Variants in C2CD2 observed in about 807,000 individuals in gnomAD.
C2CD2 encodes the protein C2 calcium dependent domain containing 2.
A neutral mutation model predicts 74.3 loss-of-function variants in C2CD2; 43 were observed. That is an observed-to-expected ratio of 0.58 (90% confidence interval 0.45 to 0.75). The LOEUF is 0.75. Ranked by LOEUF, C2CD2 falls within the 30% of genes least tolerant of loss-of-function variation. The pLI is 0.00. For synonymous variants in C2CD2, 422 were observed against 390.7 expected, an observed-to-expected ratio of 1.08 and a Z score of -0.94; for missense variants, 801 against 916.3, an observed-to-expected ratio of 0.87 and a Z score of 1.63.
intron 1 of C2CD2, among the ~76,000 whole-genome samples, chr21:41,950,990 C>T (rs2065445757): frequency 6.6e-6 from 1 of 152,106 alleles, no homozygotes; most frequent in Admixed American, 6.5e-5. Flanking sequence ...TGTAGCTGTC[C>T]AGGCGAGAGC....
Position 41,903,306 on chromosome 21 carries a change from C to T in C2CD2, c.1433-1557G>A, listed in dbSNP as rs2064921409. ...AACCCGAGGAGTGTGTCATGGAAAC[C>T]CCAATTTGTAGCCAAGTGGGACAAA... On this transcript the variant is annotated intron_variant, in intron 11 of 13. Coordinates refer to ENST00000380486, the MANE Select transcript of C2CD2 (RefSeq NM_015500.2). The surrounding 1 kb of genome is among the most constrained non-coding windows in gnomAD (Gnocchi z 4.5). Among the ~76,000 whole-genome samples, 1 of 152,110 alleles carries T rather than the reference C, an allele frequency of 6.6e-6. No individual in the cohort carries two copies. The highest frequency in any genetic ancestry group is 2.4e-5 in the African/African-American group (1 of 41,426).
rs1275745812 is a variant in C2CD2 at position 41,913,294 on chromosome 21, C to A, written c.845-854G>T. 2.0e-5 allele frequency among the ~76,000 whole-genome samples: 3 copies of A among 152,250 alleles called. No homozygotes were observed. In the East Asian group the frequency reaches 5.8e-4, roughly 29 times the overall value. ...GTTTCTGCTTTGAGACAATGCTTCT[C>A]CCTGCAGCACAAAGTCCCCAATACA... On this transcript the variant is annotated intron_variant, in intron 6 of 13. Transcript: ENST00000380486.
intron 6 of C2CD2, among the ~76,000 whole-genome samples, chr21:41,912,975 C>G (rs2065045730): frequency 6.6e-6 from 1 of 152,216 alleles, no homozygotes; most frequent in Admixed American, 6.5e-5. Flanking sequence ...ATATCAACAG[C>G]CAAGGGCTGT....
chr21:41,949,783 A>G (rs1195663939), intron 1 of C2CD2, among the ~76,000 whole-genome samples: 1 of 152,216 alleles, frequency 6.6e-6, no homozygotes, highest in African/African-American at 2.4e-5. Flanking sequence ...TGTGGCACAT[A>G]TACACCATGG....
chr21:41,938,060 C>T (rs749107422), intron 2 of C2CD2, among the ~76,000 whole-genome samples: 4 of 152,018 alleles, frequency 2.6e-5, no homozygotes, highest in East Asian at 1.9e-4. Context: ...AATAAAAATA[C>T]ATTATATACC....
At chr21:41,946,181 A>G (rs1216259815) in intron 1 of C2CD2, among the ~76,000 whole-genome samples, 1 of 152,224 alleles carries the variant, frequency 6.6e-6, no homozygotes, top group African/African-American at 2.4e-5. Flanking sequence ...TGGTTGCGAA[A>G]TCAGTGAGGA....
chr21:41,942,058 C>T lies in C2CD2; in HGVS notation c.378+89G>A, dbSNP rs532838669. 7 of 1,488,900 alleles carry T rather than the reference C, an allele frequency of 4.7e-6. No individual in the cohort carries two copies. In the African/African-American group the frequency reaches 5.6e-5, roughly 12 times the overall value. The allele number at this position is 1,488,900 out of a possible 1,614,324, so 92.2% of individuals were successfully genotyped here. A position where few individuals can be genotyped will look rare whatever the true frequency, so the allele number is the denominator to read the frequency against. On this transcript the variant is annotated intron_variant, in intron 2 of 13. Transcript: ENST00000380486. Reference sequence around the variant, plus strand: ...GATTTTTTTCCTAGTGTAAGGGTTCCGCATTTTCAATGATTCTAAACAAAG... The same window carrying T: ...GATTTTTTTCCTAGTGTAAGGGTTCTGCATTTTCAATGATTCTAAACAAAG...
chr21:41,925,029 C>G (rs1007729410), intron 2 of C2CD2, among the ~76,000 whole-genome samples: 5 of 152,164 alleles, frequency 3.3e-5, no homozygotes, highest in Admixed American at 6.5e-5. Context: ...GTAATGTAAT[C>G]TCTACATTCT....
At chr21:41,914,226 C>CA (rs1198111037) in intron 6 of C2CD2, among the ~76,000 whole-genome samples, 2 of 139,478 alleles carry the variant, frequency 1.4e-5, no homozygotes, top group Non-Finnish European at 3.1e-5. Context: ...AACTCCATCT[C>CA]AAAAAAAAGA....
At chr21:41,912,988 A>G (rs2065045921) in intron 6 of C2CD2, among the ~76,000 whole-genome samples, 1 of 151,928 alleles carries the variant, frequency 6.6e-6, no homozygotes, top group East Asian at 1.9e-4. Context: ...AGGGCTGTTG[A>G]CCCCAAGTAC....
chr21:41,898,270 T>C (rs940090275), intron 13 of C2CD2, among the ~76,000 whole-genome samples: 9 of 152,204 alleles, frequency 5.9e-5, no homozygotes, highest in Non-Finnish European at 8.8e-5. Context: ...AGATGTCCTT[T>C]TGTCCCCCGA....
At chr21:41,897,390 G>A (rs1039836721) in intron 13 of C2CD2, among the ~76,000 whole-genome samples, 27 of 152,234 alleles carry the variant, frequency 1.8e-4, no homozygotes, top group African/African-American at 6.0e-4. Flanking sequence ...GTCCCGCTTC[G>A]CCCAGCACTC....
At chr21:41,889,854 C>T (rs1388849535) in intron 13 of C2CD2, among the ~76,000 whole-genome samples, 1 of 152,084 alleles carries the variant, frequency 6.6e-6, no homozygotes, top group Non-Finnish European at 1.5e-5. Flanking sequence ...AGGCTGGTCT[C>T]GAACTCCTGA....
chr21:41,947,146 C>CTCCG, intron 1 of C2CD2, among the ~76,000 whole-genome samples: 1 of 138,858 alleles, frequency 7.2e-6, no homozygotes, highest in South Asian at 2.6e-4. Context: ...CTCTCCCTCC[C>CTCCG]TCCCTCCCTC....
chr21:41,927,376 G>C (rs2065222713), intron 2 of C2CD2, among the ~76,000 whole-genome samples: 1 of 152,190 alleles, frequency 6.6e-6, no homozygotes, highest in African/African-American at 2.4e-5. Flanking sequence ...ATGTTGGCCA[G>C]GCTGGTCTCA....
intron 1 of C2CD2, among the ~76,000 whole-genome samples, chr21:41,948,172 G>A (rs2065417708): frequency 6.6e-6 from 1 of 152,244 alleles, no homozygotes; most frequent in African/African-American, 2.4e-5. Flanking sequence ...GGCCTGGCTG[G>A]CTCCCAAGAC....
Position 41,899,745 on chromosome 21 carries a change from G to C in C2CD2, c.1561-383C>G, listed in dbSNP as rs2146146467. ...AAGGAAATGGCCGTGGGTGTTTCGG[G>C]TTTAGCTGTCTTTGTTCCTACACGT... On this transcript the variant is annotated intron_variant, in intron 12 of 13. Transcript: ENST00000380486. The surrounding 1 kb of genome is among the most constrained non-coding windows in gnomAD (Gnocchi z 4.4). Among the ~76,000 whole-genome samples the C allele has an allele frequency of 6.6e-6, 1 of 152,302 alleles. No homozygotes were observed. Among genetic ancestry groups the C allele is most frequent in the East Asian group, 1.9e-4 (1 of 5,180 alleles).
At chr21:41,891,287 T>TG (rs140538883) in intron 13 of C2CD2, among the ~76,000 whole-genome samples, 3,710 of 152,232 alleles carry the variant, frequency 0.024, 169 homozygotes, top group African/African-American at 0.082. Flanking sequence ...GGCACACCTG[T>TG]GGGACATCAG....
chr21:41,904,529 C>T (rs1174283066), intron 11 of C2CD2, among the ~76,000 whole-genome samples: 7 of 152,156 alleles, frequency 4.6e-5, no homozygotes, highest in Admixed American at 3.9e-4. Context: ...ATCCAAGAAC[C>T]CTCTCTTGGG....
Sources: allele counts gnomAD v4.1 joint callset (sites outside exome capture counted in the v4.1 genomes callset), GRCh38; gene constraint gnomAD v4.1.1; non-coding constraint Gnocchi (gnomAD v3.1); transcripts MANE v1.5; gene names NCBI Gene and HGNC (gene_info 2026-07-23, HGNC 2026-07-21).